Variants in DLD observed in about 807,000 individuals in gnomAD.
DLD encodes dihydrolipoamide dehydrogenase.
Under a neutral mutation model 62.2 loss-of-function variants are expected in DLD, and 36 were observed. The ratio of observed to expected loss-of-function variants is 0.58; its 90% CI spans 0.44 to 0.76. The LOEUF is 0.76. DLD is among the 30% of genes least tolerant of loss of function. DLD has a pLI of 0.00. For missense variants in DLD, 541 were observed against 608.6 expected (o/e 0.89, Z 1.17); for synonymous variants, 204 against 199.6 (o/e 1.02, Z -0.19).
chr7:107,895,624 G>T (rs191451907), intron 2 of DLD, among the ~76,000 whole-genome samples: 1 of 152,332 alleles, frequency 6.6e-6, no homozygotes, highest in African/African-American at 2.4e-5. Context: ...ACAAGACCCA[G>T]CTTTTATAGA....
intron 12 of DLD, among the ~76,000 whole-genome samples, chr7:107,918,800 G>C (rs2032331896): frequency 6.6e-6 from 1 of 152,186 alleles, no homozygotes. Flanking sequence ...GGTAGTAAGT[G>C]GTAGATATGA....
At chr7:107,916,211 G>C (rs993497377) in intron 9 of DLD, among the ~76,000 whole-genome samples, 4 of 152,158 alleles carry the variant, frequency 2.6e-5, no homozygotes, top group Non-Finnish European at 5.9e-5. Context: ...GTGGCAGTCA[G>C]TAGTTGAATT....
chr7:107,903,338 A>C, intron 4 of DLD, 140 bp from the exon 5 acceptor site: 1 of 574,064 alleles, frequency 1.7e-6, no homozygotes, highest in South Asian at 1.7e-5. Context: ...AGATGGCGCC[A>C]TTGCACTCCA....
intron 8 of DLD, among the ~76,000 whole-genome samples, chr7:107,910,365 A>G (rs186603918): frequency 3.3e-5 from 5 of 152,348 alleles, no homozygotes; most frequent in African/African-American, 7.2e-5. Context: ...TAGGTTTTTT[A>G]TAAGCCTTGA....
At chr7:107,915,479 T>C (rs1294042196) in intron 8 of DLD, 27 bp from the exon 9 acceptor site, 5 of 1,610,926 alleles carry the variant, frequency 3.1e-6, no homozygotes, top group Non-Finnish European at 4.2e-6. Flanking sequence ...CTTTTATGAT[T>C]ATTGGGTTTT....
intron 8 of DLD, among the ~76,000 whole-genome samples, chr7:107,910,037 A>C (rs1232134019): frequency 1.3e-5 from 2 of 151,706 alleles, no homozygotes; most frequent in African/African-American, 4.8e-5. Context: ...TTGTATTTTT[A>C]GTAGGGACGG....
intron 7 of DLD, chr7:107,905,912 A>AC (rs1414603524): frequency 9.4e-6 from 3 of 319,280 alleles, no homozygotes; most frequent in Admixed American, 4.8e-5. Context: ...TGGTTCCAGG[A>AC]CCCCCCTTGG....
intron 5 of DLD, 75 bp from the exon 6 acceptor site, chr7:107,904,883 G>C (rs1363201380): frequency 9.4e-7 from 1 of 1,061,290 alleles, no homozygotes; most frequent in Non-Finnish European, 1.4e-6. Context: ...AAATTTTCCA[G>C]TTGGTGAGTG....
At chr7:107,892,531 C>CTTTATTTATTTATTTATTTA (rs10680033) in intron 1 of DLD, among the ~76,000 whole-genome samples, 16 of 149,606 alleles carry the variant, frequency 1.1e-4, no homozygotes, top group African/African-American at 3.9e-4. Context: ...ACTTTCAGAG[C>CTTTATTTATTTATTTATTTA]TTTATTTATT....
rs10238360 is a variant in DLD, at chr7:107,915,820, A to G, written c.875+124A>G. ...ACTTAAGGTCATTTTATTACTTAAT[A>G]TAACTCAGTTGCTTATCAAATTATT... On this transcript the variant is annotated intron_variant, in intron 9 of 13. Coordinates refer to ENST00000205402, the MANE Select transcript of DLD (RefSeq NM_000108.5). 3,239 of 776,026 alleles carry G rather than the reference A, an allele frequency of 4.2e-3. 69 individuals are homozygous for G. The African/African-American group carries it at 0.047, about 11-fold the overall frequency. The allele number at this position is 776,026 out of a possible 1,614,324, so 48.1% of individuals were successfully genotyped here.
Position 107,893,244 on chromosome 7 carries a change from T to C in DLD, c.84T>C (p.Ser28=). The C allele has an allele frequency of 6.2e-7, 1 of 1,613,676 alleles. No homozygotes were observed. The highest frequency in any genetic ancestry group is 8.5e-7 in the Non-Finnish European group (1 of 1,179,814). ...NRISHGLQGL[S]AVPLRTYADQ... Reference sequence around the variant, plus strand: ...TATCTCATGGCCTACAGGGACTTTCTGCAGTGCCTCTGAGAACTTACGCAG... The same window carrying C: ...TATCTCATGGCCTACAGGGACTTTCCGCAGTGCCTCTGAGAACTTACGCAG... Residue 28 remains serine, a synonymous_variant, in exon 2 of 14, where the codon TCT becomes TCC. Transcript: ENST00000205402.
chr7:107,906,155 T>C, intron 7 of DLD, 112 bp from the exon 8 acceptor site: 1 of 659,100 alleles, frequency 1.5e-6, no homozygotes, highest in Non-Finnish European at 2.7e-6. Context: ...TTCCTGAATA[T>C]TTTCAATTAA....
At chr7:107,907,783 C>T (rs1260312510) in intron 8 of DLD, among the ~76,000 whole-genome samples, 2 of 152,202 alleles carry the variant, frequency 1.3e-5, no homozygotes, top group African/African-American at 4.8e-5. Context: ...CACATAAATG[C>T]TCCTTATCTT....
rs778898713 is a variant in DLD, at chr7:107,919,019, G to A, written c.1384G>A (p.Glu462Lys). 1.2e-6 allele frequency: 2 copies of A among 1,613,880 alleles called. No homozygotes were observed. Among genetic ancestry groups the A allele is most frequent in the Non-Finnish European group, 1.7e-6 (2 of 1,179,824 alleles). Residue 462 changes from glutamate (E) to lysine (K), a missense_variant, in exon 13 of 14, where the codon GAA becomes AAA. Transcript: ENST00000205402. ...GCTTGTTATTTTAAAGGGTGCTGGA[G>A]AAATGGTAAATGAAGCTGCTCTTGC... is the stretch of plus-strand genomic sequence containing the variant. ...GAHILGPGAG[E>K]MVNEAALALE... is the part of the protein sequence containing the mutation.
intron 2 of DLD, among the ~76,000 whole-genome samples, chr7:107,899,963 A>G (rs2116197866): frequency 7.9e-6 from 1 of 126,780 alleles, no homozygotes; most frequent in South Asian, 2.6e-4. Context: ...GTAGATCGTC[A>G]TTTGGTTCAA....
At chr7:107,898,691 C>T (rs1024753175) in intron 2 of DLD, among the ~76,000 whole-genome samples, 3 of 148,940 alleles carry the variant, frequency 2.0e-5, no homozygotes, top group Non-Finnish European at 4.5e-5. Flanking sequence ...CCTGGGTTCA[C>T]GCCATTCTCC....
In DLD at chr7:107,919,915, A is replaced by G. The variant is rs972173606; in HGVS notation, c.*656A>G. Reference sequence around the variant, plus strand: ...GGAACTCAAATACGTGGGCATTCAAATGTATTACAGTGGGGAATGAAGATA... The same window carrying G: ...GGAACTCAAATACGTGGGCATTCAAGTGTATTACAGTGGGGAATGAAGATA... On this transcript the variant is annotated 3_prime_UTR_variant, in exon 14 of 14. Coordinates refer to ENST00000205402, the MANE Select transcript of DLD (RefSeq NM_000108.5). 2.6e-5 allele frequency: 4 copies of G among 152,668 alleles called. No homozygotes were observed. The highest frequency in any genetic ancestry group is 9.6e-5 in the African/African-American group (4 of 41,464). The allele number at this position is 152,668 out of a possible 1,614,324, so 9.5% of individuals were successfully genotyped here. A position where few individuals can be genotyped will look rare whatever the true frequency, so the allele number is the denominator to read the frequency against.
intron 3 of DLD, among the ~76,000 whole-genome samples, 191 bp downstream of exon 3, chr7:107,902,008 A>G (rs549385999): frequency 6.6e-6 from 1 of 152,352 alleles, no homozygotes; most frequent in Admixed American, 6.5e-5. Flanking sequence ...AGTGAAATCT[A>G]TTAGTTTTCT....
rs2116273996 is a variant in DLD at position 107,917,945 on chromosome 7, A to C, written c.1258A>C (p.Lys420Gln). 2 of 1,614,064 alleles carry C rather than the reference A, an allele frequency of 1.2e-6. No homozygotes were observed. Among genetic ancestry groups the C allele is most frequent in the East Asian group, 4.5e-5 (2 of 44,874 alleles). The change falls in exon 12 of 14, where the codon AAA (lysine) becomes CAA (glutamine). Residue 420 changes from lysine (K) to glutamine (Q), a missense_variant. Coordinates refer to ENST00000205402, the MANE Select transcript of DLD (RefSeq NM_000108.5). ...ACAGGGTATTGAGTACAAAGTTGGGAAATTCCCATTTGCTGCTAACAGCAG... is the reference window on the plus strand; with the variant it reads ...ACAGGGTATTGAGTACAAAGTTGGGCAATTCCCATTTGCTGCTAACAGCAG... ...KEEGIEYKVG[K>Q]FPFAANSRAK...
Sources: allele counts gnomAD v4.1 joint callset (sites outside exome capture counted in the v4.1 genomes callset), GRCh38; gene constraint gnomAD v4.1.1; transcripts MANE v1.5; gene names NCBI Gene and HGNC (gene_info 2026-07-23, HGNC 2026-07-21).